The following SEPTIN14 variants were observed in gnomAD, a reference collection of about 807,000 sequenced individuals.
The protein encoded by SEPTIN14 is septin 14.
In SEPTIN14, 40 loss-of-function variants were observed where a neutral mutation model predicts 53.6. The observed-to-expected ratio is 0.75, with a 90% CI of 0.58 to 0.97. The LOEUF is 0.97. Ranked by LOEUF, SEPTIN14 falls within the 50% of genes least tolerant of loss-of-function variation. SEPTIN14 has a pLI of 0.00. For missense variants in SEPTIN14, 471 were observed against 508.2 expected (o/e 0.93, Z 0.70); for synonymous variants, 138 against 166.8 (o/e 0.83, Z 1.33).
chr7:55,819,525 C>T (rs1403815881), intron 6 of SEPTIN14, among the ~76,000 whole-genome samples: 1 of 151,978 alleles, frequency 6.6e-6, no homozygotes, highest in African/African-American at 2.4e-5. Flanking sequence ...GAAGGTGGAG[C>T]TTGCAGTGAG....
At chr7:55,816,299 G>T (rs1049523557) in intron 7 of SEPTIN14, among the ~76,000 whole-genome samples, 2 of 152,092 alleles carry the variant, frequency 1.3e-5, no homozygotes, top group African/African-American at 4.8e-5. Flanking sequence ...ACAAAAGGGT[G>T]ACTACAGTCA....
intron 2 of SEPTIN14, 38 bp from the exon 3 acceptor site, chr7:55,846,675 T>G (rs370363908): frequency 3.5e-6 from 4 of 1,150,506 alleles, no homozygotes; most frequent in Non-Finnish European, 5.1e-6. Context: ...TGTGTTAGAA[T>G]AAAAAATGAA....
intron 7 of SEPTIN14, among the ~76,000 whole-genome samples, chr7:55,810,526 G>T (rs1788681676): frequency 6.8e-6 from 1 of 146,958 alleles, no homozygotes; most frequent in East Asian, 2.0e-4. Flanking sequence ...CCAGGCTGGA[G>T]TTCAATGGCA....
Position 55,805,359 on chromosome 7 carries a change from C to T in SEPTIN14, c.1018G>A (p.Glu340Lys). 1 of 1,595,080 alleles carries T rather than the reference C, an allele frequency of 6.3e-7. No homozygotes were observed. Among genetic ancestry groups the T allele is most frequent in the Non-Finnish European group, 8.5e-7 (1 of 1,171,066 alleles). The change falls in exon 9 of 10, where the codon GAG (glutamate) becomes AAG (lysine). Residue 340 changes from glutamate to lysine, a missense_variant. Glu to Lys is a moderately conservative substitution (Grantham distance 56). Coordinates refer to ENST00000388975, the MANE Select transcript of SEPTIN14 (RefSeq NM_207366.3). ...FQEIFEAKRQ[E>K]FYDQCQREEE... ...TCCCTCTGACATTGATCATAGAACT[C>T]TTGTCTTTTGGCTTCAAAGATTTCT...
chr7:55,814,580 A>G (rs1788761234), intron 7 of SEPTIN14, among the ~76,000 whole-genome samples: 1 of 152,252 alleles, frequency 6.6e-6, no homozygotes, highest in Non-Finnish European at 1.5e-5. Flanking sequence ...ATACCTAGAA[A>G]TAAACATAAC....
intron 2 of SEPTIN14, among the ~76,000 whole-genome samples, chr7:55,850,100 C>T (rs1046849812): frequency 1.3e-5 from 2 of 152,122 alleles, no homozygotes; most frequent in East Asian, 3.9e-4. Context: ...AAGAAAAATT[C>T]ACACAAACTC....
At chr7:55,799,700 C>T (rs1788496671) in intron 9 of SEPTIN14, among the ~76,000 whole-genome samples, 1 of 151,914 alleles carries the variant, frequency 6.6e-6, no homozygotes, top group South Asian at 2.1e-4. Flanking sequence ...TTATAACAAT[C>T]ATCAAATATA....
chr7:55,840,911 T>C (rs1789299775), intron 5 of SEPTIN14, among the ~76,000 whole-genome samples: 1 of 143,752 alleles, frequency 7.0e-6, no homozygotes. Flanking sequence ...TATTATTTAT[T>C]TATTTATTTA....
intron 9 of SEPTIN14, among the ~76,000 whole-genome samples, 184 bp downstream of exon 9, chr7:55,805,074 T>C (rs548132185): frequency 6.6e-6 from 1 of 152,242 alleles, no homozygotes; most frequent in Non-Finnish European, 1.5e-5. Context: ...TTAAGTTCTC[T>C]AGAAAAAACA....
chr7:55,795,974 G>A lies in SEPTIN14; in HGVS notation c.1238C>T (p.Ser413Phe), dbSNP rs1396540420. ...GCTCAGCTGAGTCTGCAGTGCTTCG[G>A]AGGCAGCTTTCATTTTATAAAAATC... Reference protein sequence around the residue: ...IIDFYKMKAASEALQTQLSTD... With the variant: ...IIDFYKMKAAFEALQTQLSTD... The change falls in exon 10 of 10, where the codon TCC (serine) becomes TTC (phenylalanine). Residue 413 changes from serine to phenylalanine, a missense_variant. Transcript: ENST00000388975. 2 of 1,592,582 alleles carry A rather than the reference G, an allele frequency of 1.3e-6. No homozygotes were observed. Among genetic ancestry groups the A allele is most frequent in the African/African-American group, 2.7e-5 (2 of 74,732 alleles).
intron 5 of SEPTIN14, among the ~76,000 whole-genome samples, chr7:55,841,853 CA>C (rs58433679): frequency 0.017 from 1,272 of 73,506 alleles, 11 homozygotes; most frequent in Middle Eastern, 0.041. Flanking sequence ...GAAACTCCGC[CA>C]AAAAAAAAAA....
chr7:55,825,693 G>A (rs534172605), intron 6 of SEPTIN14, among the ~76,000 whole-genome samples: 13 of 151,998 alleles, frequency 8.6e-5, no homozygotes, highest in South Asian at 2.1e-4. Flanking sequence ...GGGGCCGGGC[G>A]TGGTGACTCA....
At chr7:55,860,172 T>A in intron 2 of SEPTIN14, among the ~76,000 whole-genome samples, 1 of 132,892 alleles carries the variant, frequency 7.5e-6, no homozygotes, top group African/African-American at 2.8e-5. Flanking sequence ...AGAGTGAAAC[T>A]CCATCTCAAA....
chr7:55,845,214 G>A (rs1176136428), intron 3 of SEPTIN14, among the ~76,000 whole-genome samples: 1 of 152,136 alleles, frequency 6.6e-6, no homozygotes, highest in Non-Finnish European at 1.5e-5. Flanking sequence ...TCCTTTGCAG[G>A]AACATGGATG....
At chr7:55,838,440 C>A (rs763700450) in intron 5 of SEPTIN14, among the ~76,000 whole-genome samples, 2 of 148,700 alleles carry the variant, frequency 1.3e-5, no homozygotes, top group Non-Finnish European at 3.0e-5. Flanking sequence ...CCATTTTCCA[C>A]AGTTTCTCTT....
chr7:55,795,613 A>C lies in SEPTIN14; in HGVS notation c.*300T>G. 1 of 333,562 alleles carries C rather than the reference A, an allele frequency of 3.0e-6. No individual in the cohort carries two copies. The highest frequency in any genetic ancestry group is 8.6e-5 in the East Asian group (1 of 11,602). The allele number at this position is 333,562 out of a possible 1,614,324, so 20.7% of individuals were successfully genotyped here. A position where few individuals can be genotyped will look rare whatever the true frequency, so the allele number is the denominator to read the frequency against. On this transcript the variant is annotated 3_prime_UTR_variant, in exon 10 of 10. Transcript: ENST00000388975. ...CTCCCAAGTGGCTGGGATTACAGGT[A>C]CCGGCCACCAAACCCAGCTAATTTT...
Position 55,813,538 on chromosome 7 carries a change from G to A in SEPTIN14, c.817+5589C>T, listed in dbSNP as rs551888914. 1.6e-4 allele frequency among the ~76,000 whole-genome samples: 24 copies of A among 151,712 alleles called. 1 individual carries two copies. The South Asian group carries it at 4.8e-3, about 30-fold the overall frequency. On this transcript the variant is annotated intron_variant, in intron 7 of 9. Transcript: ENST00000388975. ...CCCCCAACTCCAGGCAGTGCAGCCC[G>A]AAAAGAGACTCCTTCCACTTGTGGG...
At chr7:55,857,944 C>T (rs1789673760) in intron 2 of SEPTIN14, among the ~76,000 whole-genome samples, 1 of 152,146 alleles carries the variant, frequency 6.6e-6, no homozygotes, top group Admixed American at 6.5e-5. Flanking sequence ...AACTTTTTCT[C>T]CTTGAACTCA....
At chr7:55,844,150 A>G (rs923996185) in intron 4 of SEPTIN14, among the ~76,000 whole-genome samples, 4 of 152,166 alleles carry the variant, frequency 2.6e-5, no homozygotes, top group African/African-American at 9.7e-5. Context: ...AAATAATAAT[A>G]AAAATAATTA....
Sources: allele counts gnomAD v4.1 joint callset (sites outside exome capture counted in the v4.1 genomes callset), GRCh38; gene constraint gnomAD v4.1.1; transcripts MANE v1.5; gene names NCBI Gene and HGNC (gene_info 2026-07-23, HGNC 2026-07-21).